SLC35A1: variants seen among roughly 807,000 people sequenced by gnomAD.
SLC35A1 encodes CMP-sialic acid transporter.
Under a neutral mutation model 40.3 loss-of-function variants are expected in SLC35A1, and 21 were observed. The ratio of observed to expected loss-of-function variants is 0.52; its 90% CI spans 0.37 to 0.75. SLC35A1 has a LOEUF of 0.75. Among genes scored for constraint, SLC35A1 ranks in the 30% least tolerant of loss-of-function variants. The pLI is 0.00. For synonymous variants in SLC35A1, 146 were observed against 147.3 expected, an observed-to-expected ratio of 0.99 and a Z score of 0.06; for missense variants, 297 against 382.1, an observed-to-expected ratio of 0.78 and a Z score of 1.86.
At chr6:87,488,856 T>G (rs1289134861) in intron 2 of SLC35A1, among the ~76,000 whole-genome samples, 1 of 152,234 alleles carries the variant, frequency 6.6e-6, no homozygotes, top group Middle Eastern at 3.2e-3. Context: ...ATCCATGTTT[T>G]AAATGAAATG....
rs139635072 is a variant in SLC35A1 at position 87,503,673 on chromosome 6, C to G, written c.507+2363C>G. Among the ~76,000 whole-genome samples, 1,405 of 152,204 alleles carry G rather than the reference C, an allele frequency of 9.2e-3. 23 individuals carry two copies. The highest frequency in any genetic ancestry group is 0.031 in the African/African-American group (1,306 of 41,516). ...GTTGCAGTGAGCCGAGATCGCGCCA[C>G]TGCACACCAGCTCGAGTGATAGTGC... On this transcript the variant is annotated intron_variant, in intron 4 of 7. Transcript: ENST00000369552.
At chr6:87,509,297 A>G in intron 7 of SLC35A1, 122 bp downstream of exon 7, 3 of 1,238,830 alleles carry the variant, frequency 2.4e-6, no homozygotes, top group Non-Finnish European at 3.5e-6. Context: ...TAGCTTTGTT[A>G]CTACAGTTTA....
chr6:87,509,188 TTG>T lies in SLC35A1; in HGVS notation c.886+17_886+18del. 1 of 1,614,006 alleles carries T rather than the reference TTG, an allele frequency of 6.2e-7. No homozygotes were observed. Among genetic ancestry groups the T allele is most frequent in the Non-Finnish European group, 8.5e-7 (1 of 1,179,878 alleles). On this transcript the variant is annotated intron_variant, in intron 7 of 7. Transcript: ENST00000369552. ...GGATTACAGATAAGTATGTCTTAGT[TTG>T]TGTTGAGTTTTTAACATGGAAGAGC...
chr6:87,479,482 G>A (rs1769185745), intron 2 of SLC35A1, among the ~76,000 whole-genome samples: 1 of 152,314 alleles, frequency 6.6e-6, no homozygotes, highest in Middle Eastern at 3.4e-3. Context: ...TAGCCATCCT[G>A]TAAAGGGGTC....
At position 87,494,412 on chromosome 6, in the gene SLC35A1, A is replaced by T. The variant is rs147407746; in HGVS notation, c.195-6096A>T. ...ACATGTAAATAAGGTGATTTTTTTT[A>T]AATATTTGAATTTTTTTTTTTTTTT... On this transcript the variant is annotated intron_variant, in intron 2 of 7. Transcript: ENST00000369552. Among the ~76,000 whole-genome samples, 699 of 143,596 alleles carry T rather than the reference A, an allele frequency of 4.9e-3. 4 individuals carry two copies. Among genetic ancestry groups the T allele is most frequent in the South Asian group, 0.027 (124 of 4,550 alleles). 94.2% of individuals were successfully genotyped at this position (143,596 alleles called of 152,430 possible).
At chr6:87,479,415 T>C (rs1769183128) in intron 2 of SLC35A1, among the ~76,000 whole-genome samples, 1 of 152,164 alleles carries the variant, frequency 6.6e-6, no homozygotes, top group South Asian at 2.1e-4. Context: ...CCATTACAGC[T>C]GTGAGGGAAG....
At chr6:87,508,740 C>T in intron 6 of SLC35A1, 144 bp downstream of exon 6, 1 of 887,572 alleles carries the variant, frequency 1.1e-6, no homozygotes, top group South Asian at 1.7e-5. Context: ...ATTTTGTTGA[C>T]TTAGTTTTGA....
At chr6:87,479,596 C>G (rs1036796174) in intron 2 of SLC35A1, among the ~76,000 whole-genome samples, 2 of 152,180 alleles carry the variant, frequency 1.3e-5, no homozygotes, top group African/African-American at 2.4e-5. Context: ...GATGAAGGCA[C>G]AACATTCAGT....
chr6:87,496,159 CCAAA>C (rs1222912229), intron 2 of SLC35A1: 2 of 152,016 alleles, frequency 1.3e-5, no homozygotes, highest in African/African-American at 2.4e-5. Context: ...CTACTTTTGA[CCAAA>C]CAGAGGTCAG....
At chr6:87,495,511 A>G (rs753294122) in intron 2 of SLC35A1, among the ~76,000 whole-genome samples, 70 of 152,296 alleles carry the variant, frequency 4.6e-4, no homozygotes, top group South Asian at 2.1e-3. Context: ...TTCTGGGTTT[A>G]CATTTTCAGT....
At chr6:87,481,895 C>A (rs1769255371) in intron 2 of SLC35A1, among the ~76,000 whole-genome samples, 2 of 152,144 alleles carry the variant, frequency 1.3e-5, no homozygotes, top group Non-Finnish European at 2.9e-5. Context: ...TTAAAACTTG[C>A]TTAAACGCTC....
chr6:87,497,414 C>A (rs188053104), intron 2 of SLC35A1, among the ~76,000 whole-genome samples: 105 of 152,290 alleles, frequency 6.9e-4, no homozygotes, highest in Non-Finnish European at 1.3e-3. Context: ...CCAAAAGAGA[C>A]AGATCTGAAG....
intron 2 of SLC35A1, among the ~76,000 whole-genome samples, chr6:87,484,575 CG>C (rs1252322458): frequency 2.0e-5 from 3 of 151,912 alleles, no homozygotes; most frequent in Non-Finnish European, 4.4e-5. Context: ...AAGAGAGTAA[CG>C]GGGTGAGTGG....
In SLC35A1 at chr6:87,497,486, G is replaced by A. The variant is rs371950652; in HGVS notation, c.195-3022G>A. 9.2e-5 allele frequency among the ~76,000 whole-genome samples: 14 copies of A among 152,264 alleles called. No individual in the cohort carries two copies. In the East Asian group the frequency reaches 2.5e-3, roughly 27 times the overall value. ...ACTGAAGGAAAGGAATACTCAGATT[G>A]GCTGCTAATTTGTTTCATAAGCCCT... On this transcript the variant is annotated intron_variant, in intron 2 of 7. Transcript: ENST00000369552.
At chr6:87,483,492 C>G in intron 2 of SLC35A1, among the ~76,000 whole-genome samples, 1 of 95,484 alleles carries the variant, frequency 1.0e-5, no homozygotes, top group East Asian at 2.7e-4. Context: ...GATTTTTCAC[C>G]TCTTTTGAGG....
intron 4 of SLC35A1, among the ~76,000 whole-genome samples, chr6:87,502,450 C>T (rs961135579): frequency 6.6e-6 from 1 of 152,130 alleles, no homozygotes; most frequent in East Asian, 1.9e-4. Flanking sequence ...ATGGAGTATA[C>T]TTACACAAAT....
chr6:87,510,503 A>G (rs1477746084), intron 7 of SLC35A1, among the ~76,000 whole-genome samples: 1 of 152,198 alleles, frequency 6.6e-6, no homozygotes, highest in African/African-American at 2.4e-5. Flanking sequence ...GAACTAAAAT[A>G]AAGCTTGATG....
At chr6:87,497,893 A>ATT (rs142305150) in intron 2 of SLC35A1, among the ~76,000 whole-genome samples, 42 of 125,648 alleles carry the variant, frequency 3.3e-4, no homozygotes, top group Middle Eastern at 8.8e-3. Context: ...CACTCCTGGC[A>ATT]GTTTTTTTTT....
At chr6:87,499,552 C>T (rs1769850856) in intron 2 of SLC35A1, among the ~76,000 whole-genome samples, 1 of 152,100 alleles carries the variant, frequency 6.6e-6, no homozygotes, top group African/African-American at 2.4e-5. Context: ...TAGTTAAGAG[C>T]ATGCATAATC....
Sources: gnomAD v4.1 joint callset for allele counts (sites outside exome capture counted in the v4.1 genomes callset) on GRCh38, gnomAD v4.1.1 for gene constraint, MANE v1.5 for transcripts, NCBI Gene and HGNC (gene_info 2026-07-23, HGNC 2026-07-21) for gene names.